The following TUBA4B variants were observed in gnomAD, a reference collection of about 807,000 sequenced individuals.
TUBA4B encodes tubulin alpha 4b.
Under a neutral mutation model 18.4 loss-of-function variants are expected in TUBA4B, and 13 were observed. The observed-to-expected ratio is 0.71, with a 90% confidence interval of 0.46 to 1.12. The LOEUF (loss-of-function observed/expected upper bound fraction) is 1.12. TUBA4B is among the 50% of genes most tolerant of loss of function. TUBA4B has a pLI of 0.00. For missense variants in TUBA4B, 244 were observed against 250.0 expected, an observed-to-expected ratio of 0.98 and a Z score of 0.16; for synonymous variants, 101 against 99.1, an observed-to-expected ratio of 1.02 and a Z score of -0.11.
rs1951831803 is a variant in TUBA4B at position 219,272,102 on chromosome 2, T to C, written c.*403T>C. On this transcript the variant is annotated 3_prime_UTR_variant, in exon 4 of 4. Transcript: ENST00000490341. ...AGGATTACAAGGAGGTGGGCATGGA[T>C]AGTGTGGAGTGGGGGGAAGAAAAGA... 2 of 894,788 alleles carry C rather than the reference T, an allele frequency of 2.2e-6. No individual in the cohort carries two copies. The highest frequency in any genetic ancestry group is 4.0e-5 in the East Asian group (1 of 24,808). The allele number at this position is 894,788 out of a possible 1,614,324, so 55.4% of individuals were successfully genotyped here.
At chr2:219,271,143 T>C in intron 3 of TUBA4B, 23 bp from the exon 4 acceptor site, 1 of 776,466 alleles carries the variant, frequency 1.3e-6, no homozygotes. Context: ...TGCCCCACAT[T>C]TCCCCTCCCC....
At chr2:219,260,798 C>T (rs1210802362) in intron 1 of TUBA4B, among the ~76,000 whole-genome samples, 6 of 152,064 alleles carry the variant, frequency 3.9e-5, no homozygotes, top group Non-Finnish European at 5.9e-5. Context: ...CATGGTGAAA[C>T]GCCGTCTCTA....
intron 1 of TUBA4B, among the ~76,000 whole-genome samples, chr2:219,257,961 A>G (rs1951732512): frequency 1.4e-5 from 2 of 144,296 alleles, no homozygotes; most frequent in Admixed American, 1.4e-4. Flanking sequence ...TACAGGCATG[A>G]GTCACCTGGC....
At chr2:219,253,940 C>T in intron 1 of TUBA4B, 3 of 1,220,862 alleles carry the variant, frequency 2.5e-6, no homozygotes, top group East Asian at 3.2e-5. Flanking sequence ...TGCCGCACCG[C>T]CCTTATAGGC....
intron 1 of TUBA4B, among the ~76,000 whole-genome samples, chr2:219,263,661 A>C (rs1279031040): frequency 1.3e-5 from 2 of 152,320 alleles, no homozygotes; most frequent in East Asian, 3.9e-4. Flanking sequence ...CCTGAGGTCC[A>C]TGGTTTCATG....
chr2:219,272,141 T>G lies in TUBA4B; in HGVS notation c.*442T>G. The G allele has an allele frequency of 4.7e-6, 3 of 643,752 alleles. No homozygotes were observed. The highest frequency in any genetic ancestry group is 5.6e-6 in the Non-Finnish European group (2 of 356,114). The allele number at this position is 643,752 out of a possible 1,614,324, so 39.9% of individuals were successfully genotyped here. A position where few individuals can be genotyped will look rare whatever the true frequency, so the allele number is the denominator to read the frequency against. ...GGGAAGAAAAGATAGGGGGGATGAA[T>G]ACTAGGGGAATACTGTGTGTCTGTC... On this transcript the variant is annotated 3_prime_UTR_variant, in exon 4 of 4. Transcript: ENST00000490341.
intron 1 of TUBA4B, among the ~76,000 whole-genome samples, chr2:219,255,085 G>A (rs1035321373): frequency 6.6e-6 from 1 of 152,070 alleles, no homozygotes; most frequent in Admixed American, 6.6e-5. Flanking sequence ...GTGTCTTGCT[G>A]TGTCACCCAG....
chr2:219,269,060 C>T (rs965607806), intron 2 of TUBA4B, among the ~76,000 whole-genome samples: 6 of 152,210 alleles, frequency 3.9e-5, no homozygotes, highest in African/African-American at 1.4e-4. Flanking sequence ...GATCACATCA[C>T]TGTACTCTAG....
chr2:219,260,712 G>T (rs959456461), intron 1 of TUBA4B, among the ~76,000 whole-genome samples: 1 of 152,162 alleles, frequency 6.6e-6, no homozygotes, highest in East Asian at 1.9e-4. Flanking sequence ...GGTGGCTCAC[G>T]CCTGTAATCC....
intron 1 of TUBA4B, among the ~76,000 whole-genome samples, chr2:219,265,265 T>A (rs957209012): frequency 1.3e-5 from 2 of 152,220 alleles, no homozygotes; most frequent in Non-Finnish European, 2.9e-5. Context: ...TCCTTCATCC[T>A]GGGAAAGGGA....
chr2:219,254,065 C>T (rs1008512083), intron 1 of TUBA4B: 3 of 467,024 alleles, frequency 6.4e-6, no homozygotes, highest in Non-Finnish European at 7.7e-6. Context: ...TGGCCTGGTA[C>T]CCTCCCCAAG....
intron 2 of TUBA4B, among the ~76,000 whole-genome samples, 176 bp from the exon 3 acceptor site, chr2:219,270,026 T>C (rs546590233): frequency 1.3e-5 from 2 of 152,130 alleles, no homozygotes; most frequent in Non-Finnish European, 2.9e-5. Flanking sequence ...CCTTTCCTTA[T>C]TGAAAAACAC....
intron 1 of TUBA4B, chr2:219,266,226 G>C (rs970844639): frequency 1.0e-5 from 4 of 382,340 alleles, no homozygotes; most frequent in African/African-American, 8.3e-5. Flanking sequence ...AGTGCAGGCT[G>C]TGCCACCAGG....
intron 1 of TUBA4B, among the ~76,000 whole-genome samples, chr2:219,259,337 A>G (rs1340077341): frequency 6.7e-6 from 1 of 150,118 alleles, no homozygotes; most frequent in African/African-American, 2.4e-5. Context: ...AAAAAAAAAA[A>G]AAAGAAATGC....
At chr2:219,269,399 G>A (rs1045201490) in intron 2 of TUBA4B, among the ~76,000 whole-genome samples, 6 of 152,086 alleles carry the variant, frequency 3.9e-5, no homozygotes, top group Non-Finnish European at 5.9e-5. Context: ...AGGACTGCCC[G>A]CATCTTCTGC....
In TUBA4B at chr2:219,271,763, C is replaced by A. The variant is rs1232029602; in HGVS notation, c.*64C>A. 3 of 1,611,052 alleles carry A rather than the reference C, an allele frequency of 1.9e-6. No individual in the cohort carries two copies. Among genetic ancestry groups the A allele is most frequent in the Non-Finnish European group, 2.5e-6 (3 of 1,177,254 alleles). ...CTGCTATACCATGGAGATGTGGTGC[C>A]CAAGGATGTCAACGCTGCCATTGCT... is the stretch of plus-strand genomic sequence containing the variant. On this transcript the variant is annotated 3_prime_UTR_variant, in exon 4 of 4. Coordinates refer to ENST00000490341, the MANE Select transcript of TUBA4B (RefSeq NM_001355221.1).
At chr2:219,253,727 G>T (rs995366829) in intron 1 of TUBA4B, 2 of 1,145,754 alleles carry the variant, frequency 1.7e-6, no homozygotes, top group Non-Finnish European at 2.5e-6. Context: ...GAGGGAGGAT[G>T]CAAAACCCTC....
intron 1 of TUBA4B, among the ~76,000 whole-genome samples, chr2:219,261,596 C>T: frequency 6.6e-6 from 1 of 152,174 alleles, no homozygotes; most frequent in Non-Finnish European, 1.5e-5. Context: ...AGCTCTGCCA[C>T]CACCTACACT....
rs537700289 is a variant in TUBA4B, at chr2:219,272,093, G to A, written c.*394G>A. The A allele has an allele frequency of 1.2e-4, 129 of 1,046,242 alleles. 3 individuals carry two copies. In the South Asian group the frequency reaches 1.6e-3, roughly 13 times the overall value. The allele number at this position is 1,046,242 out of a possible 1,614,324, so 64.8% of individuals were successfully genotyped here. A position where few individuals can be genotyped will look rare whatever the true frequency, so the allele number is the denominator to read the frequency against. The stretch of plus-strand genomic sequence containing the variant: ...CCCTGGAGAAGGATTACAAGGAGGT[G>A]GGCATGGATAGTGTGGAGTGGGGGG... On this transcript the variant is annotated 3_prime_UTR_variant, in exon 4 of 4. Transcript: ENST00000490341.
Sources: gnomAD v4.1 joint callset for allele counts (sites outside exome capture counted in the v4.1 genomes callset) on GRCh38, gnomAD v4.1.1 for gene constraint, MANE v1.5 for transcripts, NCBI Gene and HGNC (gene_info 2026-07-23, HGNC 2026-07-21) for gene names.